Variants in RABGAP1L observed in about 807,000 individuals in gnomAD.
RABGAP1L encodes the protein rab GTPase-activating protein 1-like.
A neutral mutation model predicts 137.7 loss-of-function variants in RABGAP1L; 63 were observed. The observed-to-expected ratio is 0.46, with a 90% CI of 0.37 to 0.56. The LOEUF is 0.56. Among genes scored for constraint, RABGAP1L ranks in the 20% least tolerant of loss-of-function variants. RABGAP1L has a pLI of 0.00. For missense variants in RABGAP1L, 1,095 were observed against 1,244.0 expected (o/e 0.88, Z 1.80); for synonymous variants, 431 against 433.7 (o/e 0.99, Z 0.08).
chr1:174,295,080 G>A (rs1015836112), intron 10 of RABGAP1L, among the ~76,000 whole-genome samples: 16 of 151,890 alleles, frequency 1.1e-4, no homozygotes, highest in African/African-American at 3.1e-4. Flanking sequence ...CACCATGCCC[G>A]GCTAATTTTT....
At chr1:174,317,583 C>A (rs1679498751) in intron 11 of RABGAP1L, among the ~76,000 whole-genome samples, 1 of 152,106 alleles carries the variant, frequency 6.6e-6, no homozygotes, top group African/African-American at 2.4e-5. Context: ...TCTTTTGGAG[C>A]TGTGAGCTAT....
chr1:174,177,164 A>C (rs1350702375), intron 1 of RABGAP1L, among the ~76,000 whole-genome samples: 1 of 152,150 alleles, frequency 6.6e-6, no homozygotes, highest in Non-Finnish European at 1.5e-5. Context: ...CTTTTTAATA[A>C]TTACCATTCT....
rs187321085 is a variant in RABGAP1L, at chr1:174,751,803, A to G, written c.2170-510A>G. Among the ~76,000 whole-genome samples, 46 of 152,306 alleles carry G rather than the reference A, an allele frequency of 3.0e-4. 1 individual carries two copies. The East Asian group carries it at 4.2e-3, about 14-fold the overall frequency. ...TACTTGAAAGCAATTGCTAAAACAA[A>G]TAAGAAAACAATAAGAACTGTAGTG... On this transcript the variant is annotated intron_variant, in intron 17 of 25. Coordinates refer to ENST00000681986, the MANE Select transcript of RABGAP1L (RefSeq NM_001366446.1).
chr1:174,934,539 C>T (rs1437008683), intron 19 of RABGAP1L, among the ~76,000 whole-genome samples: 4 of 152,078 alleles, frequency 2.6e-5, no homozygotes, highest in South Asian at 2.1e-4. Flanking sequence ...GTAATCCCAG[C>T]ACTTTGGGAG....
chr1:174,508,308 C>G (rs1308255553), intron 13 of RABGAP1L, among the ~76,000 whole-genome samples: 2 of 152,124 alleles, frequency 1.3e-5, no homozygotes, highest in Non-Finnish European at 2.9e-5. Flanking sequence ...TGGTTTTATA[C>G]AGTCTTCAGT....
intron 18 of RABGAP1L, among the ~76,000 whole-genome samples, chr1:174,784,202 G>A (rs543166410): frequency 1.3e-5 from 2 of 151,378 alleles, no homozygotes; most frequent in South Asian, 2.1e-4. Flanking sequence ...TGTATTTTTA[G>A]TAGTGACGGA....
intron 13 of RABGAP1L, among the ~76,000 whole-genome samples, chr1:174,632,878 C>G (rs541187723): frequency 0.024 from 3,609 of 151,332 alleles, 134 homozygotes; most frequent in African/African-American, 0.083. Flanking sequence ...CGTCTGAAGC[C>G]TTCTTCTCTC....
intron 22 of RABGAP1L, among the ~76,000 whole-genome samples, chr1:174,977,587 A>C (rs956808260): frequency 2.0e-5 from 3 of 152,078 alleles, no homozygotes; most frequent in Non-Finnish European, 4.4e-5. Flanking sequence ...CCTCCCCTCC[A>C]TGTGCATCTG....
At chr1:174,835,754 T>C (rs1312457287) in intron 19 of RABGAP1L, among the ~76,000 whole-genome samples, 1 of 152,170 alleles carries the variant, frequency 6.6e-6, no homozygotes, top group Non-Finnish European at 1.5e-5. Context: ...AAACGTGAAA[T>C]AAAAATTCAT....
At chr1:174,609,684 A>G (rs1022170286) in intron 13 of RABGAP1L, among the ~76,000 whole-genome samples, 1 of 152,180 alleles carries the variant, frequency 6.6e-6, no homozygotes, top group Non-Finnish European at 1.5e-5. Flanking sequence ...GTAAACTAAG[A>G]CAGATACCTG....
intron 1 of RABGAP1L, among the ~76,000 whole-genome samples, chr1:174,200,571 G>A (rs1668024716): frequency 6.6e-6 from 1 of 152,166 alleles, no homozygotes; most frequent in Non-Finnish European, 1.5e-5. Context: ...ACTGCTTCCA[G>A]AGGTGGCACA....
intron 18 of RABGAP1L, among the ~76,000 whole-genome samples, chr1:174,768,594 G>A (rs1685863223): frequency 6.6e-6 from 1 of 152,208 alleles, no homozygotes; most frequent in African/African-American, 2.4e-5. Context: ...CACTGTGCAT[G>A]TGGACAGCCC....
chr1:174,806,238 G>A (rs1478080662), intron 18 of RABGAP1L, among the ~76,000 whole-genome samples: 2 of 152,142 alleles, frequency 1.3e-5, no homozygotes, highest in Non-Finnish European at 2.9e-5. Flanking sequence ...GTCAGGGTAA[G>A]GGTTTAGTAT....
rs188961668 is a variant in RABGAP1L, at chr1:174,543,125, C to A, written c.1711-94250C>A. Among the ~76,000 whole-genome samples the A allele has an allele frequency of 2.0e-5, 3 of 152,244 alleles. No homozygotes were observed. The East Asian group carries it at 5.8e-4, about 29-fold the overall frequency. ...TCTATTAGATCTGGTTGGTGCAGAG[C>A]TGAGTTCAATTCCTGGATATCCTTG... On this transcript the variant is annotated intron_variant, in intron 13 of 25. Coordinates refer to ENST00000681986, the MANE Select transcript of RABGAP1L (RefSeq NM_001366446.1).
intron 19 of RABGAP1L, among the ~76,000 whole-genome samples, chr1:174,845,243 C>T (rs1212759043): frequency 1.1e-5 from 1 of 95,090 alleles, no homozygotes; most frequent in African/African-American, 3.0e-5. Context: ...ATTGCCCTGG[C>T]CAGAACTTCC....
At chr1:174,300,038 T>C (rs1677518311) in intron 10 of RABGAP1L, among the ~76,000 whole-genome samples, 1 of 152,240 alleles carries the variant, frequency 6.6e-6, no homozygotes, top group African/African-American at 2.4e-5. Context: ...TTGATTATGG[T>C]TGACAGCATA....
At chr1:174,756,956 T>C in intron 18 of RABGAP1L, 2 of 936,068 alleles carry the variant, frequency 2.1e-6, no homozygotes, top group South Asian at 2.5e-5. Flanking sequence ...GAGGTCTTCA[T>C]CTTTCTTTAG....
chr1:174,403,745 G>A (rs1648921939), intron 13 of RABGAP1L, among the ~76,000 whole-genome samples: 2 of 151,006 alleles, frequency 1.3e-5, no homozygotes, highest in African/African-American at 4.9e-5. Context: ...CACATGATGT[G>A]TATAATAGCT....
chr1:174,418,896 G>T (rs1306635977), intron 13 of RABGAP1L, among the ~76,000 whole-genome samples: 1 of 152,090 alleles, frequency 6.6e-6, no homozygotes, highest in Non-Finnish European at 1.5e-5. Flanking sequence ...AAATTAGCCA[G>T]GTGTGGTAGT....
Sources: gnomAD v4.1 joint callset for allele counts (sites outside exome capture counted in the v4.1 genomes callset) on GRCh38, gnomAD v4.1.1 for gene constraint, MANE v1.5 for transcripts, NCBI Gene and HGNC (gene_info 2026-07-23, HGNC 2026-07-21) for gene names.